ZNF681: variants seen among roughly 807,000 people sequenced by gnomAD.
ZNF681 encodes the protein zinc finger protein 681.
In ZNF681, 37 loss-of-function variants were observed where a neutral mutation model predicts 56.0. The ratio of observed to expected loss-of-function variants is 0.66; its 90% CI spans 0.51 to 0.87. The LOEUF (loss-of-function observed/expected upper bound fraction) is 0.87. Among genes scored for constraint, ZNF681 ranks in the 40% least tolerant of loss-of-function variants. The pLI, the probability that ZNF681 is intolerant of heterozygous loss-of-function variation, is 0.00. For synonymous variants in ZNF681, 225 were observed against 248.6 expected, an observed-to-expected ratio of 0.91 and a Z score of 0.89; for missense variants, 741 against 744.9, an observed-to-expected ratio of 0.99 and a Z score of 0.06.
Position 23,749,264 on chromosome 19 carries a change from G to A in ZNF681, c.227-3941C>T, listed in dbSNP as rs181562301. ...TGGCTACTATATGATCCCATTTATA[G>A]GAGATATCTTAAGTAGTCACGCTCA... On this transcript the variant is annotated intron_variant, in intron 3 of 3. Coordinates refer to ENST00000402377, the MANE Select transcript of ZNF681 (RefSeq NM_138286.3). Among the ~76,000 whole-genome samples the A allele has an allele frequency of 1.4e-3, 213 of 152,244 alleles. 2 individuals carry two copies. Among genetic ancestry groups the A allele is most frequent in the Non-Finnish European group, 2.4e-3 (164 of 68,024 alleles).
rs1378962787 is a variant in ZNF681, at chr19:23,740,500, A to G, written c.*3112T>C. On this transcript the variant is annotated 3_prime_UTR_variant, in exon 4 of 4. Coordinates refer to ENST00000402377, the MANE Select transcript of ZNF681 (RefSeq NM_138286.3). ...AAATCAATGTTATTTCTCACAATTG[A>G]TATGTTCCATCTCTGTCTTGAAGTT... 6.6e-6 allele frequency: 1 copy of G among 152,228 alleles called. No homozygotes were observed. The highest frequency in any genetic ancestry group is 2.4e-5 in the African/African-American group (1 of 41,464). 9.4% of individuals were successfully genotyped at this position (152,228 alleles called of 1,614,324 possible).
At chr19:23,753,491 C>G (rs1311446208) in intron 3 of ZNF681, among the ~76,000 whole-genome samples, 1 of 152,298 alleles carries the variant, frequency 6.6e-6, no homozygotes, top group African/African-American at 2.4e-5. Flanking sequence ...AAAGATATAT[C>G]AATGAGAGAA....
intron 3 of ZNF681, among the ~76,000 whole-genome samples, chr19:23,751,966 CGTGA>C (rs1969039068): frequency 6.6e-6 from 1 of 152,158 alleles, no homozygotes; most frequent in African/African-American, 2.4e-5. Context: ...GGATTACAGG[CGTGA>C]GCCACTGCGC....
intron 3 of ZNF681, among the ~76,000 whole-genome samples, chr19:23,754,004 T>G (rs998187186): frequency 3.3e-5 from 5 of 151,120 alleles, no homozygotes; most frequent in African/African-American, 1.2e-4. Flanking sequence ...CTTTGAATAG[T>G]GAAAGCAATC....
intron 3 of ZNF681, among the ~76,000 whole-genome samples, chr19:23,748,655 T>G (rs1035126728): frequency 6.6e-6 from 1 of 152,142 alleles, no homozygotes; most frequent in African/African-American, 2.4e-5. Flanking sequence ...CTTTGTTCAG[T>G]CCAGCAAGGT....
At chr19:23,746,062 C>T (rs1387424563) in intron 3 of ZNF681, among the ~76,000 whole-genome samples, 1 of 152,020 alleles carries the variant, frequency 6.6e-6, no homozygotes, top group Non-Finnish European at 1.5e-5. Flanking sequence ...TGCCTGTAAT[C>T]ACAGCACTTT....
chr19:23,752,072 A>C (rs1969040880), intron 3 of ZNF681, among the ~76,000 whole-genome samples: 1 of 152,198 alleles, frequency 6.6e-6, no homozygotes, highest in Admixed American at 6.5e-5. Flanking sequence ...AAGTGCCTTT[A>C]GGAGAGCTTT....
At position 23,754,853 on chromosome 19, in the gene ZNF681, T is replaced by C. The variant is rs891411874; in HGVS notation, c.196A>G (p.Lys66Glu). ...GGTTCGGCCACCATCCTATGTCTCT[T>C]TCTAGTCCAAGGCTCTTTTTCTTGT... Reference protein sequence around the residue: ...LEQEKEPWTRKRHRMVAEPPV... With the variant: ...LEQEKEPWTRERHRMVAEPPV... Residue 66 changes from lysine (K) to glutamate (E), a missense_variant, in exon 3 of 4, where the codon AAG (lysine) becomes GAG (glutamate). Lys to Glu is a moderately conservative substitution (Grantham distance 56, BLOSUM62 1). Transcript: ENST00000402377. 3.1e-6 allele frequency: 5 copies of C among 1,614,018 alleles called. No individual in the cohort carries two copies. The highest frequency in any genetic ancestry group is 4.2e-6 in the Non-Finnish European group (5 of 1,180,014).
chr19:23,745,880 A>G (rs1968937935), intron 3 of ZNF681, among the ~76,000 whole-genome samples: 1 of 152,246 alleles, frequency 6.6e-6, no homozygotes. Context: ...AAAGAGCCAC[A>G]TAGAAAGAAA....
chr19:23,754,286 T>A (rs551172421), intron 3 of ZNF681, among the ~76,000 whole-genome samples: 2 of 152,090 alleles, frequency 1.3e-5, no homozygotes, highest in Non-Finnish European at 2.9e-5. Flanking sequence ...CACTCTAAAC[T>A]AGAAGGCAGA....
chr19:23,758,722 G>C, intron 1 of ZNF681, 25 bp downstream of exon 1: 4 of 1,614,176 alleles, frequency 2.5e-6, no homozygotes, highest in Non-Finnish European at 3.4e-6. Flanking sequence ...CCCCTCTCTC[G>C]GGATGTCGGA....
intron 3 of ZNF681, among the ~76,000 whole-genome samples, chr19:23,753,768 A>G (rs1969071118): frequency 6.6e-6 from 1 of 150,798 alleles, no homozygotes; most frequent in Admixed American, 6.6e-5. Flanking sequence ...GGACTGAGGC[A>G]GGATAATAGC....
At chr19:23,748,428 A>G (rs1404287872) in intron 3 of ZNF681, among the ~76,000 whole-genome samples, 1 of 152,192 alleles carries the variant, frequency 6.6e-6, no homozygotes, top group African/African-American at 2.4e-5. Flanking sequence ...ATCTACTGGA[A>G]CATCTGGAGA....
intron 3 of ZNF681, among the ~76,000 whole-genome samples, chr19:23,751,205 G>A (rs1342753719): frequency 2.0e-5 from 3 of 148,562 alleles, no homozygotes; most frequent in Non-Finnish European, 3.0e-5. Flanking sequence ...GGCTGGGTGC[G>A]GTAGCTCACA....
chr19:23,744,178 C>A lies in ZNF681; in HGVS notation c.1372G>T (p.Ala458Ser), dbSNP rs745401406. The A allele has an allele frequency of 3.7e-6, 6 of 1,613,288 alleles. No homozygotes were observed. The African/African-American group carries it at 6.7e-5, about 18-fold the overall frequency. Residue 458 changes from alanine (A) to serine (S), a missense_variant, in exon 4 of 4, where the codon GCC (alanine) becomes TCC (serine). Coordinates refer to ENST00000402377, the MANE Select transcript of ZNF681 (RefSeq NM_138286.3). ...GTAAGGTTTGAGAACTGGTTAAAGG[C>A]TTTCCCACATTCTTCACATTTGTAT... ...KPYKCEECGK[A>S]FNQFSNLTTH...
Position 23,743,533 on chromosome 19 carries a change from G to A in ZNF681, c.*79C>T. The A allele has an allele frequency of 7.6e-7, 1 of 1,310,986 alleles. No individual in the cohort carries two copies. 81.2% of individuals were successfully genotyped at this position (1,310,986 alleles called of 1,614,324 possible). A position where few individuals can be genotyped will look rare whatever the true frequency, so the allele number is the denominator to read the frequency against. On this transcript the variant is annotated 3_prime_UTR_variant, in exon 4 of 4. Transcript: ENST00000402377. Reference sequence around the variant, plus strand: ...TTTTGCCACATTCTTCACACTTGTAGGTTTTTTTTTAGTATGAATTATCTT... The same window carrying A: ...TTTTGCCACATTCTTCACACTTGTAAGTTTTTTTTTAGTATGAATTATCTT...
Position 23,745,398 on chromosome 19 carries a change from A to G in ZNF681, c.227-75T>C, listed in dbSNP as rs1443505437. The G allele has an allele frequency of 4.2e-6, 5 of 1,187,176 alleles. No homozygotes were observed. In the East Asian group the frequency reaches 8.5e-5, roughly 20 times the overall value. The allele number at this position is 1,187,176 out of a possible 1,614,324, so 73.5% of individuals were successfully genotyped here. On this transcript the variant is annotated intron_variant, in intron 3 of 3. Coordinates refer to ENST00000402377, the MANE Select transcript of ZNF681 (RefSeq NM_138286.3). ...ATACTTTACAAATCCAACCTATACA[A>G]TTATACAAATTACATAAGCAAGATG...
chr19:23,754,445 C>A (rs1969083578), intron 3 of ZNF681, among the ~76,000 whole-genome samples: 1 of 152,114 alleles, frequency 6.6e-6, no homozygotes, highest in South Asian at 2.1e-4. Flanking sequence ...GGGCAGATCA[C>A]CTGAGGTTAG....
chr19:23,755,293 C>A, intron 2 of ZNF681, 132 bp downstream of exon 2: 3 of 1,215,962 alleles, frequency 2.5e-6, no homozygotes, highest in Admixed American at 2.7e-5. Flanking sequence ...GAGATGAATC[C>A]CTAAGATTTT....
Sources: allele counts gnomAD v4.1 joint callset (sites outside exome capture counted in the v4.1 genomes callset), GRCh38; gene constraint gnomAD v4.1.1; transcripts MANE v1.5; gene names NCBI Gene and HGNC (gene_info 2026-07-23, HGNC 2026-07-21).